Variants in SH2D3C observed in about 807,000 individuals in gnomAD.
SH2D3C encodes the protein SH2 domain-containing protein 3C.
SH2D3C carries 25 observed loss-of-function variants against 75.2 expected under a neutral mutation model. The ratio of observed to expected loss-of-function variants is 0.33; its 90% CI spans 0.24 to 0.46. SH2D3C has a LOEUF of 0.46. Ranked by LOEUF, SH2D3C falls within the 20% of genes least tolerant of loss-of-function variation. SH2D3C has a pLI of 1.00. For synonymous variants in SH2D3C, 450 were observed against 473.7 expected, an observed-to-expected ratio of 0.95 and a Z score of 0.65; for missense variants, 933 against 1,165.3, an observed-to-expected ratio of 0.80 and a Z score of 2.90.
intron 2 of SH2D3C, among the ~76,000 whole-genome samples, chr9:127,769,066 C>T (rs1032220086): frequency 5.9e-5 from 9 of 152,142 alleles, no homozygotes; most frequent in Admixed American, 6.5e-5. Flanking sequence ...CTCTTCTAGT[C>T]GACCACAGAA....
Position 127,754,759 on chromosome 9 carries a change from G to A in SH2D3C, c.556-3459C>T, listed in dbSNP as rs1588507522. Reference sequence around the variant, plus strand: ...GGCCAGCGTACCAGGCGGAGGACCGGCAGGACGCCGGAGACCCCATCTCCC... The same window carrying A: ...GGCCAGCGTACCAGGCGGAGGACCGACAGGACGCCGGAGACCCCATCTCCC... On this transcript the variant is annotated intron_variant, in intron 3 of 11. Transcript: ENST00000314830. The surrounding 1 kb of genome is among the most constrained non-coding windows in gnomAD (Gnocchi z 4.4). The A allele has an allele frequency of 2.1e-6, 1 of 466,038 alleles. No individual in the cohort carries two copies. The highest frequency in any genetic ancestry group is 4.5e-6 in the Non-Finnish European group (1 of 224,422). 28.9% of individuals were successfully genotyped at this position (466,038 alleles called of 1,614,324 possible). A position where few individuals can be genotyped will look rare whatever the true frequency, so the allele number is the denominator to read the frequency against.
rs933930314 is a variant in SH2D3C at position 127,742,989 on chromosome 9, T to TTAA, written c.1801-28_1801-26dup. On this transcript the variant is annotated intron_variant, in intron 7 of 11. Coordinates refer to ENST00000314830, the MANE Select transcript of SH2D3C (RefSeq NM_170600.3). ...CCTGCAAAGACGCCCAGAGGGCTGA[T>TTAA]TAATATCCTGTCAGGGCTGGCCCCA... The TTAA allele has an allele frequency of 2.6e-6, 4 of 1,567,746 alleles. No individual in the cohort carries two copies. The African/African-American group carries it at 5.4e-5, about 21-fold the overall frequency.
intron 3 of SH2D3C, among the ~76,000 whole-genome samples, chr9:127,759,565 T>C (rs563215519): frequency 1.3e-5 from 2 of 152,264 alleles, no homozygotes; most frequent in South Asian, 2.1e-4. Context: ...AAAATTTGGA[T>C]TTGCTGGGCA....
intron 1 of SH2D3C, among the ~76,000 whole-genome samples, chr9:127,777,615 C>T (rs1255576227): frequency 2.0e-5 from 3 of 152,084 alleles, no homozygotes; most frequent in South Asian, 2.1e-4. Context: ...CCCAGGCCTG[C>T]GGGCAGGGGA....
At position 127,751,218 on chromosome 9, in the gene SH2D3C, G is replaced by C. The variant is rs764088170; in HGVS notation, c.638C>G (p.Thr213Arg). 1.9e-5 allele frequency: 31 copies of C among 1,613,980 alleles called. No homozygotes were observed. The highest frequency in any genetic ancestry group is 2.5e-5 in the Non-Finnish European group (30 of 1,179,956). ...ELEEELKLSS[T>R]DLRSHAWYHG... ...GTACCAGGCATGGCTGCGGAGATCC[G>C]TGCTGCTGAGTTTGAGCTCCTCCTC... is the stretch of plus-strand genomic sequence containing the variant. The change falls in exon 4 of 12, where the codon ACG (threonine) becomes AGG (arginine). Residue 213 changes from threonine (T) to arginine (R), a missense_variant. Transcript: ENST00000314830. This position sits in a 1 kb window ranked among gnomAD's most constrained non-coding sequence, Gnocchi z 4.1.
rs577938546 is a variant in SH2D3C at position 127,756,799 on chromosome 9, C to A, written c.555+4812G>T. On this transcript the variant is annotated intron_variant, in intron 3 of 11. Coordinates refer to ENST00000314830, the MANE Select transcript of SH2D3C (RefSeq NM_170600.3). ...TAGCTGGGACTACAGGCGCCTGCCA[C>A]CATGCCCGCTAATTTTTTGTATTTT... Among the ~76,000 whole-genome samples the A allele has an allele frequency of 2.0e-5, 3 of 152,138 alleles. No homozygotes were observed. In the South Asian group the frequency reaches 6.2e-4, roughly 32 times the overall value.
intron 2 of SH2D3C, chr9:127,762,318 G>A (rs1242661604): frequency 7.7e-7 from 1 of 1,295,328 alleles, no homozygotes; most frequent in Non-Finnish European, 1.0e-6. Context: ...CCCACCGCAT[G>A]GCCTTAAATG....
At chr9:127,755,370 C>T in intron 3 of SH2D3C, 1 of 382,190 alleles carries the variant, frequency 2.6e-6, no homozygotes, top group Non-Finnish European at 4.3e-6. Flanking sequence ...TTGTTCCTCC[C>T]TCCGCCCGCC....
chr9:127,747,031 C>A, intron 6 of SH2D3C, 116 bp downstream of exon 6: 1 of 1,004,796 alleles, frequency 1.0e-6, no homozygotes, highest in South Asian at 1.6e-5. Context: ...AGTTCTTTCT[C>A]TTGGTAAAGG....
chr9:127,749,968 T>C lies in SH2D3C; in HGVS notation c.685-303A>G, dbSNP rs1181019441. Among the ~76,000 whole-genome samples, 1 of 152,018 alleles carries C rather than the reference T, an allele frequency of 6.6e-6. No individual in the cohort carries two copies. Among genetic ancestry groups the C allele is most frequent in the Non-Finnish European group, 1.5e-5 (1 of 67,994 alleles). On this transcript the variant is annotated intron_variant, in intron 4 of 11. Transcript: ENST00000314830. This position sits in a 1 kb window ranked among gnomAD's most constrained non-coding sequence, Gnocchi z 5.9. The stretch of plus-strand genomic sequence containing the variant: ...TGGAGGAGTGAGAATGGCTGTGACC[T>C]GAGACCCAGGTCTCAGACCCATCCC...
intron 3 of SH2D3C, chr9:127,755,078 C>T: frequency 2.5e-6 from 3 of 1,204,150 alleles, no homozygotes; most frequent in Non-Finnish European, 3.1e-6. Context: ...CGCCCCCTCA[C>T]CTGCACCTGC....
chr9:127,751,428 AG>A lies in SH2D3C; in HGVS notation c.556-129del. ...CTGGGAACACTAAGGCACAGGTGCCAGACCCTTTCCCATGGGTCCCAGAAAG... is the reference window on the plus strand; with the variant it reads ...CTGGGAACACTAAGGCACAGGTGCCAACCCTTTCCCATGGGTCCCAGAAAG... On this transcript the variant is annotated intron_variant, in intron 3 of 11. Transcript: ENST00000314830. This position sits in a 1 kb window ranked among gnomAD's most constrained non-coding sequence, Gnocchi z 4.1. 1 of 874,120 alleles carries A rather than the reference AG, an allele frequency of 1.1e-6. No individual in the cohort carries two copies. Among genetic ancestry groups the A allele is most frequent in the East Asian group, 2.4e-5 (1 of 41,380 alleles). The allele number at this position is 874,120 out of a possible 1,614,324, so 54.1% of individuals were successfully genotyped here. A position where few individuals can be genotyped will look rare whatever the true frequency, so the allele number is the denominator to read the frequency against.
chr9:127,771,085 C>A (rs1195966472), intron 2 of SH2D3C: 1 of 936,656 alleles, frequency 1.1e-6, no homozygotes, highest in African/African-American at 1.7e-5. Flanking sequence ...CTGATGCTAA[C>A]CCCGCCCCCA....
At chr9:127,752,647 G>A (rs1845235120) in intron 3 of SH2D3C, among the ~76,000 whole-genome samples, 1 of 152,110 alleles carries the variant, frequency 6.6e-6, no homozygotes, top group Non-Finnish European at 1.5e-5. Flanking sequence ...TACTGCCTGG[G>A]TTTAGCCTAG....
rs921159437 is a variant in SH2D3C, at chr9:127,756,819, T to C, written c.555+4792A>G. Among the ~76,000 whole-genome samples the C allele has an allele frequency of 5.3e-5, 8 of 151,052 alleles. No individual in the cohort carries two copies. The South Asian group carries it at 1.7e-3, about 32-fold the overall frequency. Reference sequence around the variant, plus strand: ...TGCCACCATGCCCGCTAATTTTTTGTATTTTTAGTAGAGACAGGGTTTCAC... The same window carrying C: ...TGCCACCATGCCCGCTAATTTTTTGCATTTTTAGTAGAGACAGGGTTTCAC... On this transcript the variant is annotated intron_variant, in intron 3 of 11. Transcript: ENST00000314830.
chr9:127,771,393 CACTCCACCGCCT>C lies in SH2D3C; in HGVS notation c.515+2585_515+2596del, dbSNP rs1293008694. On this transcript the variant is annotated intron_variant, in intron 2 of 11. Coordinates refer to ENST00000314830, the MANE Select transcript of SH2D3C (RefSeq NM_170600.3). The stretch of plus-strand genomic sequence containing the variant: ...CGCCCCTGCGCTCCTTGCCCGGCCC[CACTCCACCGCCT>C]ACTCCACCGGCAGGGAAGGACGCTC... 27 of 1,327,742 alleles carry C rather than the reference CACTCCACCGCCT, an allele frequency of 2.0e-5. No homozygotes were observed. In the South Asian group the frequency reaches 3.1e-4, roughly 15 times the overall value. The allele number at this position is 1,327,742 out of a possible 1,614,324, so 82.2% of individuals were successfully genotyped here. A position where few individuals can be genotyped will look rare whatever the true frequency, so the allele number is the denominator to read the frequency against.
chr9:127,755,213 G>T (rs1384102644), intron 3 of SH2D3C: 89 of 1,199,236 alleles, frequency 7.4e-5, no homozygotes, highest in Non-Finnish European at 9.2e-5. Context: ...TGGCCGGCGG[G>T]GCAGGGGCGC....
At position 127,754,046 on chromosome 9, in the gene SH2D3C, G is replaced by T. The variant is rs896246060; in HGVS notation, c.556-2746C>A. Among the ~76,000 whole-genome samples the T allele has an allele frequency of 2.0e-5, 3 of 152,120 alleles. No individual in the cohort carries two copies. The highest frequency in any genetic ancestry group is 4.4e-5 in the Non-Finnish European group (3 of 67,966). On this transcript the variant is annotated intron_variant, in intron 3 of 11. Transcript: ENST00000314830. This position sits in a 1 kb window ranked among gnomAD's most constrained non-coding sequence, Gnocchi z 4.4. ...ACTTGGTCCTCCCACACACCTGAGG[G>T]TGAGGAATCCTAGGGTCCCTGTGCC...
intron 8 of SH2D3C, 54 bp from the exon 9 acceptor site, chr9:127,742,013 G>A: frequency 6.6e-7 from 1 of 1,522,562 alleles, no homozygotes; most frequent in Admixed American, 1.9e-5. Context: ...GGTGAGGGGT[G>A]CGGGCCTGGG....
Sources: allele counts gnomAD v4.1 joint callset (sites outside exome capture counted in the v4.1 genomes callset), GRCh38; gene constraint gnomAD v4.1.1; non-coding constraint Gnocchi (gnomAD v3.1); transcripts MANE v1.5; gene names NCBI Gene and HGNC (gene_info 2026-07-23, HGNC 2026-07-21).